The following PDXDC1 variants were observed in gnomAD, a reference collection of about 807,000 sequenced individuals.
PDXDC1 encodes pyridoxal dependent decarboxylase domain containing 1.
In PDXDC1, 42 loss-of-function variants were observed where a neutral mutation model predicts 100.1. That is an observed-to-expected ratio of 0.42 (90% confidence interval 0.33 to 0.54). The LOEUF is 0.54. Among genes scored for constraint, PDXDC1 ranks in the 20% least tolerant of loss-of-function variants. The probability of loss-of-function intolerance (pLI) is 0.10; values close to 1 mark genes in which losing one functional copy is unlikely to be tolerated. For missense variants in PDXDC1, 636 were observed against 979.2 expected (o/e 0.65, Z 4.68); for synonymous variants, 260 against 371.7 (o/e 0.70, Z 3.46).
At chr16:15,135,767 C>T (rs1335868513) in intron 16 of PDXDC1, 33 of 1,595,662 alleles carry the variant, frequency 2.1e-5, no homozygotes, top group South Asian at 8.8e-5. Context: ...TGACCACACG[C>T]GGTATGAGCC....
Position 15,131,529 on chromosome 16 carries a change from C to G in PDXDC1, c.1400-7350C>G, listed in dbSNP as rs1345738903. ...CCGAGCGCTTGCCCTGGGCCACGATCTCCTCGCCCGCCAGTGTCAGGGGCT... is the reference window on the plus strand; with the variant it reads ...CCGAGCGCTTGCCCTGGGCCACGATGTCCTCGCCCGCCAGTGTCAGGGGCT... On this transcript the variant is annotated intron_variant, in intron 16 of 16. Coordinates refer to the PDXDC1 transcript ENST00000535621. 1.2e-5 allele frequency: 19 copies of G among 1,609,276 alleles called. No individual in the cohort carries two copies. In the South Asian group the frequency reaches 1.8e-4, roughly 15 times the overall value.
intron 16 of PDXDC1, among the ~76,000 whole-genome samples, chr16:15,109,437 T>C (rs974116247): frequency 6.8e-6 from 1 of 147,100 alleles, no homozygotes; most frequent in Admixed American, 6.8e-5. Flanking sequence ...GGTGTGCGGA[T>C]CATGATGTCA....
chr16:15,020,283 G>A (rs1358564663), intron 12 of PDXDC1, among the ~76,000 whole-genome samples: 1 of 152,288 alleles, frequency 6.6e-6, no homozygotes, highest in Admixed American at 6.5e-5. Context: ...AATACAGGTA[G>A]AGCTCTTGCA....
rs371068246 is a variant in PDXDC1 at position 15,092,092 on chromosome 16, T to C, written c.1400-46787T>C. The stretch of plus-strand genomic sequence containing the variant: ...TATTCGGAAGACTGAGGCAGGAGAA[T>C]TGCTTGAACCTGGGAGGTGGAGGAT... On this transcript the variant is annotated intron_variant, in intron 16 of 16. Transcript: ENST00000535621. Among the ~76,000 whole-genome samples the C allele has an allele frequency of 1.9e-4, 29 of 152,232 alleles. No homozygotes were observed. In the South Asian group the frequency reaches 5.2e-3, roughly 27 times the overall value.
At chr16:15,019,045 C>T in intron 12 of PDXDC1, 80 bp downstream of exon 12, 2 of 1,592,810 alleles carry the variant, frequency 1.3e-6, no homozygotes, top group Non-Finnish European at 1.7e-6. Flanking sequence ...CTGTACCTTC[C>T]ATCCAGAGTG....
At chr16:15,122,775 CA>C (rs1166839741) in intron 16 of PDXDC1, among the ~76,000 whole-genome samples, 1 of 124,280 alleles carries the variant, frequency 8.0e-6, no homozygotes, top group Non-Finnish European at 1.7e-5. Context: ...TGGCTTAGGG[CA>C]GGGGGGAGGG....
At chr16:14,975,829 T>G (rs1223799875) in intron 1 of PDXDC1, among the ~76,000 whole-genome samples, 1 of 152,272 alleles carries the variant, frequency 6.6e-6, no homozygotes, top group Non-Finnish European at 1.5e-5. Flanking sequence ...CCCACGCAGG[T>G]GATTCTGATG....
intron 16 of PDXDC1, among the ~76,000 whole-genome samples, chr16:15,054,402 C>T (rs1003089687): frequency 6.6e-6 from 1 of 152,150 alleles, no homozygotes; most frequent in Non-Finnish European, 1.5e-5. Context: ...GGACACCCAT[C>T]TAACTTTCTA....
intron 16 of PDXDC1, chr16:15,130,520 G>A: frequency 7.6e-7 from 1 of 1,323,354 alleles, no homozygotes; most frequent in Non-Finnish European, 1.1e-6. Context: ...GAGTCCCAGA[G>A]CCCATACCCG....
chr16:15,060,349 T>G (rs1009226081), intron 16 of PDXDC1: 12 of 201,414 alleles, frequency 6.0e-5, no homozygotes, highest in South Asian at 5.4e-4. Context: ...TCCAAAACTT[T>G]AAAGCAATAA....
intron 16 of PDXDC1, among the ~76,000 whole-genome samples, chr16:15,068,883 T>C (rs1054051916): frequency 1.3e-5 from 2 of 152,200 alleles, no homozygotes; most frequent in African/African-American, 2.4e-5. Flanking sequence ...GCTGACCAAC[T>C]TGTACTTAAG....
In PDXDC1 at chr16:15,132,730, G is replaced by A. The variant is rs1476095264; in HGVS notation, c.1400-6149G>A. The A allele has an allele frequency of 2.1e-5, 23 of 1,071,990 alleles. No individual in the cohort carries two copies. The East Asian group carries it at 4.7e-4, about 22-fold the overall frequency. The allele number at this position is 1,071,990 out of a possible 1,614,324, so 66.4% of individuals were successfully genotyped here. On this transcript the variant is annotated intron_variant, in intron 16 of 16. Coordinates refer to the PDXDC1 transcript ENST00000535621. Reference sequence around the variant, plus strand: ...TGTGGGGCCATCCTACCATGCACTGGGCCAGCGCAGCAGCGATCTGCTGGA... The same window carrying A: ...TGTGGGGCCATCCTACCATGCACTGAGCCAGCGCAGCAGCGATCTGCTGGA...
chr16:15,127,225 G>A (rs1166479145), intron 16 of PDXDC1: 4 of 445,580 alleles, frequency 9.0e-6, no homozygotes, highest in Non-Finnish European at 1.7e-5. Flanking sequence ...GCGTGCTGCT[G>A]TGCAGTTGTC....
intron 16 of PDXDC1, chr16:15,135,072 C>G (rs2048284884): frequency 3.4e-6 from 2 of 582,736 alleles, no homozygotes; most frequent in Non-Finnish European, 6.2e-6. Flanking sequence ...GTCACTAGAG[C>G]ATATGTGGCT....
chr16:14,977,048 A>G (rs1966870304), intron 1 of PDXDC1: 1 of 152,328 alleles, frequency 6.6e-6, no homozygotes, highest in Non-Finnish European at 1.5e-5. Flanking sequence ...TTTGATCAGT[A>G]GGTTACAGTA....
chr16:15,135,423 C>G, intron 16 of PDXDC1: 1 of 1,277,216 alleles, frequency 7.8e-7, no homozygotes, highest in Non-Finnish European at 1.1e-6. Flanking sequence ...CACCCGCCAG[C>G]CTCCCTCTGC....
At chr16:15,101,163 A>G (rs780154976) in intron 16 of PDXDC1, among the ~76,000 whole-genome samples, 34 of 152,216 alleles carry the variant, frequency 2.2e-4, no homozygotes, top group Admixed American at 9.2e-4. Flanking sequence ...AAAATATGTC[A>G]CGGTGTACAG....
chr16:15,073,511 C>T (rs1456099007), intron 16 of PDXDC1, among the ~76,000 whole-genome samples: 1 of 152,116 alleles, frequency 6.6e-6, no homozygotes, highest in African/African-American at 2.4e-5. Context: ...AAACAAAATG[C>T]TACTTTTAGT....
intron 16 of PDXDC1, among the ~76,000 whole-genome samples, chr16:15,101,332 T>G (rs983903910): frequency 6.6e-6 from 1 of 152,218 alleles, no homozygotes; most frequent in Non-Finnish European, 1.5e-5. Context: ...TTGTTTGTTT[T>G]TTGAGACGGA....
Sources: gnomAD v4.1 joint callset for allele counts (sites outside exome capture counted in the v4.1 genomes callset) on GRCh38, gnomAD v4.1.1 for gene constraint, MANE v1.5 for transcripts, NCBI Gene and HGNC (gene_info 2026-07-23, HGNC 2026-07-21) for gene names.